Variants in PARG observed in about 807,000 individuals in gnomAD.
PARG encodes the protein mitochondrial poly(ADP-ribose) glycohydrolase.
A neutral mutation model predicts 113.0 loss-of-function variants in PARG; 35 were observed. That is an observed-to-expected ratio of 0.31 (90% CI 0.24 to 0.41). The LOEUF is 0.41. Among genes scored for constraint, PARG ranks in the 10% least tolerant of loss-of-function variants. The pLI, the probability that PARG is intolerant of heterozygous loss-of-function variation, is 1.00. For synonymous variants in PARG, 330 were observed against 409.9 expected (o/e 0.81, Z 2.36); for missense variants, 797 against 1,169.4 (o/e 0.68, Z 4.64).
chr10:49,910,471 CCTAT>C (rs1477507669), intron 7 of PARG, among the ~76,000 whole-genome samples: 2 of 152,024 alleles, frequency 1.3e-5, no homozygotes, highest in African/African-American at 4.8e-5. Context: ...TTCCTGTACT[CCTAT>C]CTCTCACTCT....
At chr10:49,886,017 TTA>T (rs1238482312) in intron 7 of PARG, among the ~76,000 whole-genome samples, 2 of 152,154 alleles carry the variant, frequency 1.3e-5, no homozygotes, top group Admixed American at 1.3e-4. Flanking sequence ...CACTCTTAAT[TTA>T]GAGATACTAC....
intron 7 of PARG, among the ~76,000 whole-genome samples, chr10:49,891,428 C>A (rs1196266986): frequency 3.3e-5 from 5 of 150,974 alleles, no homozygotes; most frequent in Non-Finnish European, 7.4e-5. Context: ...TAGTTAGATA[C>A]TAATAAAATT....
chr10:49,936,983 G>A (rs1220939669), intron 1 of PARG, among the ~76,000 whole-genome samples: 3 of 151,970 alleles, frequency 2.0e-5, no homozygotes, highest in Non-Finnish European at 2.9e-5. Context: ...AAGTAATCAC[G>A]CATAGTGATT....
At chr10:49,928,884 TGTTA>T (rs1838349261) in intron 4 of PARG, among the ~76,000 whole-genome samples, 1 of 152,260 alleles carries the variant, frequency 6.6e-6, no homozygotes, top group South Asian at 2.1e-4. Flanking sequence ...ATTAAGTAAC[TGTTA>T]ATTACATTTA....
chr10:49,857,052 C>T (rs1390839932), intron 13 of PARG, among the ~76,000 whole-genome samples: 4 of 147,756 alleles, frequency 2.7e-5, no homozygotes, highest in African/African-American at 7.5e-5. Flanking sequence ...TGTGGGGTAA[C>T]TGAATAGTTT....
intron 7 of PARG, among the ~76,000 whole-genome samples, chr10:49,912,328 T>C (rs1254746744): frequency 4.0e-5 from 6 of 151,798 alleles, no homozygotes; most frequent in African/African-American, 1.4e-4. Context: ...AAAATAAAAA[T>C]TGAAAATATT....
intron 8 of PARG, 97 bp downstream of exon 8, chr10:49,885,106 C>G: frequency 2.0e-5 from 6 of 302,718 alleles, no homozygotes; most frequent in Non-Finnish European, 3.9e-5. Context: ...GTCTCTCTGT[C>G]TCTCTCTCTC....
At chr10:49,838,280 A>C (rs1554831511) in intron 15 of PARG, among the ~76,000 whole-genome samples, 1 of 151,924 alleles carries the variant, frequency 6.6e-6, no homozygotes, top group East Asian at 1.9e-4. Context: ...AAAAATACAA[A>C]AATAGCCGGG....
intron 7 of PARG, among the ~76,000 whole-genome samples, chr10:49,905,910 AGAAG>A (rs1276770210): frequency 6.6e-6 from 1 of 152,068 alleles, no homozygotes; most frequent in African/African-American, 2.4e-5. Flanking sequence ...TTAATAAAGT[AGAAG>A]GTCTCACACA....
chr10:49,869,601 C>G (rs1345643418), intron 9 of PARG, 46 bp from the exon 10 acceptor site: 16 of 749,674 alleles, frequency 2.1e-5, no homozygotes, highest in Non-Finnish European at 3.6e-5. Flanking sequence ...GTTAAAATGC[C>G]TTAATGATTC....
chr10:49,829,192 T>C (rs960877373), intron 16 of PARG, among the ~76,000 whole-genome samples: 2 of 151,914 alleles, frequency 1.3e-5, no homozygotes, highest in Non-Finnish European at 2.9e-5. Context: ...GTCGAGATAG[T>C]GCCACTGCAT....
intron 6 of PARG, among the ~76,000 whole-genome samples, chr10:49,921,415 GCTTTT>G (rs1444066581): frequency 7.2e-5 from 11 of 151,832 alleles, no homozygotes; most frequent in South Asian, 2.1e-4. Flanking sequence ...TAAACAGTCT[GCTTTT>G]CTTTTCTTTT....
chr10:49,848,628 A>T (rs1845620497), intron 13 of PARG, among the ~76,000 whole-genome samples: 1 of 150,864 alleles, frequency 6.6e-6, no homozygotes, highest in Admixed American at 6.6e-5. Flanking sequence ...ATTCCTTGAC[A>T]CCATAAGTAG....
chr10:49,929,488 A>T (rs1554909420), intron 4 of PARG, among the ~76,000 whole-genome samples: 308 of 152,350 alleles, frequency 2.0e-3, no homozygotes, highest in African/African-American at 7.2e-3. Flanking sequence ...TTCCCTAAGA[A>T]ATTTGACATA....
intron 11 of PARG, among the ~76,000 whole-genome samples, chr10:49,861,944 C>A (rs1299081337): frequency 1.3e-5 from 2 of 151,486 alleles, no homozygotes; most frequent in South Asian, 2.1e-4. Context: ...AAAAACATTA[C>A]AAAATATTAA....
At chr10:49,846,640 C>T (rs1268301929) in intron 13 of PARG, among the ~76,000 whole-genome samples, 1 of 151,986 alleles carries the variant, frequency 6.6e-6, no homozygotes, top group African/African-American at 2.4e-5. Context: ...CCACATTCTT[C>T]ATTGTTGGGG....
chr10:49,931,838 C>A (rs1554909848), intron 4 of PARG, among the ~76,000 whole-genome samples: 2 of 152,244 alleles, frequency 1.3e-5, no homozygotes, highest in African/African-American at 2.4e-5. Flanking sequence ...AAAAAAGAAT[C>A]CAATGAGGTT....
At chr10:49,900,035 GCTGC>G (rs1848280632) in intron 7 of PARG, among the ~76,000 whole-genome samples, 2 of 151,266 alleles carry the variant, frequency 1.3e-5, no homozygotes, top group Non-Finnish European at 2.9e-5. Context: ...AAATAATCGG[GCTGC>G]TATACAGACA....
intron 7 of PARG, among the ~76,000 whole-genome samples, chr10:49,911,120 T>C (rs145747350): frequency 0.013 from 1,949 of 151,972 alleles, 38 homozygotes; most frequent in African/African-American, 0.043. Context: ...CTGTCTCTAC[T>C]AAAAATACAA....
Sources: allele counts gnomAD v4.1 joint callset (sites outside exome capture counted in the v4.1 genomes callset), GRCh38; gene constraint gnomAD v4.1.1; transcripts MANE v1.5; gene names NCBI Gene and HGNC (gene_info 2026-07-23, HGNC 2026-07-21).